The following OTOGL variants were observed in gnomAD, a reference collection of about 807,000 sequenced individuals.
OTOGL encodes otogelin-like protein.
OTOGL carries 285 observed loss-of-function variants against 318.5 expected under a neutral mutation model. That is an observed-to-expected ratio of 0.89 (90% CI 0.81 to 0.99). The LOEUF is 0.99. OTOGL is among the 50% of genes least tolerant of loss of function. OTOGL has a pLI of 0.00. For missense variants in OTOGL, 2,899 were observed against 2,845.6 expected (o/e 1.02, Z -0.43); for synonymous variants, 987 against 936.5 (o/e 1.05, Z -0.99).
At chr12:80,344,770 A>G (rs1365264468) in intron 44 of OTOGL, among the ~76,000 whole-genome samples, 1 of 151,808 alleles carries the variant, frequency 6.6e-6, no homozygotes, top group African/African-American at 2.4e-5. Flanking sequence ...TCATTTGGAA[A>G]GTCAGGCTTG....
intron 26 of OTOGL, 67 bp downstream of exon 26, chr12:80,279,233 G>T: frequency 7.2e-7 from 1 of 1,382,940 alleles, no homozygotes. Context: ...CAAGTATGCT[G>T]GTCCCTGATA....
chr12:80,126,499 A>C (rs1398755397), intron 1 of OTOGL, among the ~76,000 whole-genome samples: 2 of 152,170 alleles, frequency 1.3e-5, no homozygotes, highest in African/African-American at 4.8e-5. Flanking sequence ...TGTGGTGCTG[A>C]AAAGAATGTA....
intron 18 of OTOGL, among the ~76,000 whole-genome samples, chr12:80,260,206 T>G (rs564207938): frequency 6.6e-6 from 1 of 152,194 alleles, no homozygotes; most frequent in South Asian, 2.1e-4. Context: ...TTTAAAAAAT[T>G]TTAATTTCTT....
In OTOGL at chr12:80,256,335, A is replaced by G; in HGVS notation, c.1588-2A>G. The G allele has an allele frequency of 1.3e-6, 2 of 1,594,724 alleles. No homozygotes were observed. The highest frequency in any genetic ancestry group is 1.7e-6 in the Non-Finnish European group (2 of 1,176,516). On this transcript the variant is annotated splice_acceptor_variant, in intron 16 of 58. Coordinates refer to ENST00000547103, the MANE Select transcript of OTOGL (RefSeq NM_001378609.3). LOFTEE classifies it high-confidence loss of function. ...TGCATTGATAATTTGATTTTTACGC[A>G]GAATCTTGGCTTGGTCTGCCTTCAG...
At chr12:80,325,305 G>C (rs1007330868) in intron 35 of OTOGL, among the ~76,000 whole-genome samples, 1 of 152,190 alleles carries the variant, frequency 6.6e-6, no homozygotes, top group African/African-American at 2.4e-5. Context: ...TCTTTGGAAG[G>C]AAACAGAAAC....
Position 80,336,486 on chromosome 12 carries a change from T to G in OTOGL, c.4674T>G (p.Ala1558=), listed in dbSNP as rs1228165412. The G allele has an allele frequency of 5.6e-6, 9 of 1,608,834 alleles. No homozygotes were observed. The highest frequency in any genetic ancestry group is 7.7e-6 in the Non-Finnish European group (9 of 1,175,764). ...ACAACGCAGCATTATATAGCATGGC[T>G]TCTTATATCTTAGTAAGAATTCCTG... The part of the protein sequence containing the change: ...DGNNAALYSM[A]SYILVRIPGE... Residue 1558 remains alanine, a synonymous_variant, in exon 40 of 59, where the codon GCT becomes GCG. Coordinates refer to ENST00000547103, the MANE Select transcript of OTOGL (RefSeq NM_001378609.3).
chr12:80,294,928 A>G (rs571247959), intron 26 of OTOGL, among the ~76,000 whole-genome samples: 1 of 152,180 alleles, frequency 6.6e-6, no homozygotes, highest in Admixed American at 6.5e-5. Context: ...CCTCTACAAA[A>G]AAATTTTAAA....
At chr12:80,311,688 T>C (rs186624216) in intron 30 of OTOGL, among the ~76,000 whole-genome samples, 60 of 152,306 alleles carry the variant, frequency 3.9e-4, no homozygotes, top group African/African-American at 1.3e-3. Flanking sequence ...ATTACAGGCG[T>C]GAACCACTGC....
At chr12:80,285,653 C>T (rs1274581069) in intron 26 of OTOGL, among the ~76,000 whole-genome samples, 1 of 151,950 alleles carries the variant, frequency 6.6e-6, no homozygotes, top group African/African-American at 2.4e-5. Context: ...GAATGGGAGT[C>T]CACTCATAAT....
intron 19 of OTOGL, among the ~76,000 whole-genome samples, chr12:80,263,214 C>T (rs1011569513): frequency 6.6e-6 from 1 of 152,062 alleles, no homozygotes; most frequent in African/African-American, 2.4e-5. Flanking sequence ...AATCTCACTC[C>T]CATTTAACAA....
Position 80,313,633 on chromosome 12 carries a change from G to C in OTOGL, c.3607+1G>C. 1 of 1,606,260 alleles carries C rather than the reference G, an allele frequency of 6.2e-7. No homozygotes were observed. Among genetic ancestry groups the C allele is most frequent in the Non-Finnish European group, 8.5e-7 (1 of 1,174,508 alleles). ...CATTGGAGATCATCTACTGTTTGTTGTAAGTACCCTACTTAGAACATCATT... is the reference window on the plus strand; with the variant it reads ...CATTGGAGATCATCTACTGTTTGTTCTAAGTACCCTACTTAGAACATCATT... On this transcript the variant is annotated splice_donor_variant, in intron 31 of 58. Coordinates refer to ENST00000547103, the MANE Select transcript of OTOGL (RefSeq NM_001378609.3). LOFTEE classifies it high-confidence loss of function.
At chr12:80,227,054 G>A (rs971972499) in intron 7 of OTOGL, among the ~76,000 whole-genome samples, 1 of 151,912 alleles carries the variant, frequency 6.6e-6, no homozygotes, top group African/African-American at 2.4e-5. Context: ...TTTTGTGCTG[G>A]GCACTTGATG....
rs371164541 is a variant in OTOGL, at chr12:80,320,677, A to G, written c.4058A>G (p.His1353Arg). 2 of 1,605,698 alleles carry G rather than the reference A, an allele frequency of 1.2e-6. No homozygotes were observed. Among genetic ancestry groups the G allele is most frequent in the Non-Finnish European group, 1.7e-6 (2 of 1,175,746 alleles). ...SKYDDSEEFK[H>R]SSSFSIEEIQ... Reference sequence around the variant, plus strand: ...TATGATGATTCTGAAGAATTTAAACATTCAAGTAGCTTCAGCATAGAAGGT... The same window carrying G: ...TATGATGATTCTGAAGAATTTAAACGTTCAAGTAGCTTCAGCATAGAAGGT... Residue 1353 changes from histidine to arginine, a missense_variant, in exon 34 of 59, where the codon CAT (histidine) becomes CGT (arginine). Coordinates refer to ENST00000547103, the MANE Select transcript of OTOGL (RefSeq NM_001378609.3).
At chr12:80,359,535 T>C (rs566372619) in intron 52 of OTOGL, among the ~76,000 whole-genome samples, 1 of 152,312 alleles carries the variant, frequency 6.6e-6, no homozygotes, top group South Asian at 2.1e-4. Flanking sequence ...ACATTTTACT[T>C]TTCTTTTCCT....
Position 80,300,162 on chromosome 12 carries a change from G to T in OTOGL, c.3064-2472G>T, listed in dbSNP as rs575526290. Among the ~76,000 whole-genome samples the T allele has an allele frequency of 8.4e-4, 126 of 150,638 alleles. 3 individuals are homozygous for T. In the Middle Eastern group the frequency reaches 0.031, roughly 37 times the overall value. On this transcript the variant is annotated intron_variant, in intron 27 of 58. Transcript: ENST00000547103. ...GTAATTTGGTCAAAACAGGGAAAAA[G>T]TTTCATTTTCTTGTTTCATGTTCTG... is the stretch of plus-strand genomic sequence containing the variant.
chr12:80,271,566 C>G, intron 23 of OTOGL, 82 bp from the exon 24 acceptor site: 1 of 1,342,954 alleles, frequency 7.4e-7, no homozygotes, highest in Non-Finnish European at 1.0e-6. Flanking sequence ...TTAGAATAAA[C>G]CTATTTTATG....
chr12:80,342,231 C>A, intron 44 of OTOGL, 69 bp downstream of exon 44: 1 of 1,205,308 alleles, frequency 8.3e-7, no homozygotes, highest in Non-Finnish European at 1.2e-6. Flanking sequence ...CAATACGTTA[C>A]TGTTCTTGCT....
chr12:80,318,757 T>A, intron 33 of OTOGL, 44 bp downstream of exon 33: 1 of 1,168,546 alleles, frequency 8.6e-7, no homozygotes, highest in Non-Finnish European at 1.1e-6. Flanking sequence ...CAATTACATT[T>A]TAAAATTTAG....
In OTOGL at chr12:80,252,258, C is replaced by G. The variant is rs529748628; in HGVS notation, c.1285+57C>G. 2.8e-5 allele frequency: 42 copies of G among 1,491,170 alleles called. No individual in the cohort carries two copies. In the African/African-American group the frequency reaches 5.9e-4, roughly 21 times the overall value. The allele number at this position is 1,491,170 out of a possible 1,614,324, so 92.4% of individuals were successfully genotyped here. On this transcript the variant is annotated intron_variant, in intron 13 of 58. Transcript: ENST00000547103. ...CTCATGGAAACTAGTACCCAGTGAT[C>G]TAAGGATCACATCTTCGTTTTGCTG...
Sources: allele counts gnomAD v4.1 joint callset (sites outside exome capture counted in the v4.1 genomes callset), GRCh38; gene constraint gnomAD v4.1.1; transcripts MANE v1.5; gene names NCBI Gene and HGNC (gene_info 2026-07-23, HGNC 2026-07-21).